Variants in TRAPPC9 observed in about 807,000 individuals in gnomAD.
The protein encoded by TRAPPC9 is trafficking protein particle complex subunit 9, also known as IKK2 binding protein.
TRAPPC9 carries 83 observed loss-of-function variants against 124.0 expected under a neutral mutation model. That is an observed-to-expected ratio of 0.67 (90% CI 0.56 to 0.80). The LOEUF (loss-of-function observed/expected upper bound fraction) is 0.80. Among genes scored for constraint, TRAPPC9 ranks in the 30% least tolerant of loss-of-function variants. The pLI, the probability that TRAPPC9 is intolerant of heterozygous loss-of-function variation, is 0.00. For synonymous variants in TRAPPC9, 638 were observed against 617.5 expected (o/e 1.03, Z -0.49); for missense variants, 1,302 against 1,508.3 (o/e 0.86, Z 2.27).
chr8:140,383,562 A>T (rs2068673551), intron 7 of TRAPPC9, among the ~76,000 whole-genome samples: 1 of 152,220 alleles, frequency 6.6e-6, no homozygotes, highest in Non-Finnish European at 1.5e-5. Context: ...AAAGGGTATC[A>T]GTGATTGAAG....
chr8:139,883,657 C>G (rs1353997024), intron 21 of TRAPPC9, among the ~76,000 whole-genome samples: 3 of 152,214 alleles, frequency 2.0e-5, no homozygotes, highest in African/African-American at 7.2e-5. Flanking sequence ...GCAAAATGAA[C>G]AGAAAGGACC....
At chr8:139,857,473 C>T (rs959497335) in intron 21 of TRAPPC9, among the ~76,000 whole-genome samples, 5 of 152,206 alleles carry the variant, frequency 3.3e-5, no homozygotes, top group South Asian at 2.1e-4. Flanking sequence ...GAGGGTCACA[C>T]AATAAACACA....
At chr8:140,129,824 T>C (rs957758444) in intron 17 of TRAPPC9, among the ~76,000 whole-genome samples, 1 of 152,148 alleles carries the variant, frequency 6.6e-6, no homozygotes. Flanking sequence ...TGTATAGAGA[T>C]GGATAGACGA....
At chr8:140,410,196 GTAACCCTTTTTATAT>G (rs971471377) in intron 5 of TRAPPC9, among the ~76,000 whole-genome samples, 2 of 149,690 alleles carry the variant, frequency 1.3e-5, no homozygotes, top group Non-Finnish European at 3.0e-5. Flanking sequence ...ACTTCTCTGG[GTAACCCTTTTTATAT>G]AGTTTTGATT....
chr8:140,439,096 G>A lies in TRAPPC9; in HGVS notation c.686C>T (p.Ser229Leu), dbSNP rs769691517. ...ATTCACAGAACGCAGCAGCTCCACC[G>A]ACATGTGGTAATGCACCAGGGAGTC... ...LQDSLVHYHM[S>L]VELLRSVNDF... The change falls in exon 3 of 23, where the codon TCG (serine) becomes TTG (leucine). Residue 229 changes from serine to leucine, a missense_variant. Physicochemically the swap from Ser to Leu is moderately radical, Grantham distance 145 (BLOSUM62 -2). Coordinates refer to ENST00000438773, the MANE Select transcript of TRAPPC9 (RefSeq NM_001160372.4). 16 of 1,614,030 alleles carry A rather than the reference G, an allele frequency of 9.9e-6. No homozygotes were observed. The highest frequency in any genetic ancestry group is 3.3e-5 in the South Asian group (3 of 91,072).
chr8:139,858,806 G>A (rs1321603268), intron 21 of TRAPPC9, among the ~76,000 whole-genome samples: 2 of 149,654 alleles, frequency 1.3e-5, no homozygotes, highest in East Asian at 3.9e-4. Flanking sequence ...TAGCCACTGC[G>A]ACCGGGACTG....
rs139333573 is a variant in TRAPPC9 at position 140,007,284 on chromosome 8, C to T, written c.2699+16653G>A. The stretch of plus-strand genomic sequence containing the variant: ...ACTCTGCAATTGTGCCTCCGGGTGA[C>T]GGTAACCAGGTCTCTGAGTTGCATT... On this transcript the variant is annotated intron_variant, in intron 18 of 22. Transcript: ENST00000438773. Among the ~76,000 whole-genome samples the T allele has an allele frequency of 5.6e-4, 86 of 152,304 alleles. 1 individual carries two copies. Among genetic ancestry groups the T allele is most frequent in the Middle Eastern group, 3.4e-3 (1 of 294 alleles).
At chr8:140,315,993 A>G (rs1049182980) in intron 9 of TRAPPC9, among the ~76,000 whole-genome samples, 2 of 152,172 alleles carry the variant, frequency 1.3e-5, no homozygotes, top group African/African-American at 4.8e-5. Context: ...TATGGATTGT[A>G]TCTTTGACTA....
At chr8:139,910,078 G>T (rs1831619176) in intron 20 of TRAPPC9, 69 bp downstream of exon 20, 4 of 1,575,828 alleles carry the variant, frequency 2.5e-6, no homozygotes, top group Non-Finnish European at 3.5e-6. Context: ...ACCCTCACGG[G>T]TCTTTCTTAG....
intron 21 of TRAPPC9, among the ~76,000 whole-genome samples, chr8:139,806,550 C>T (rs1408266473): frequency 2.0e-5 from 3 of 152,222 alleles, no homozygotes; most frequent in African/African-American, 4.8e-5. Flanking sequence ...CAGAGCAGCT[C>T]CCCAAGGGTG....
chr8:139,915,741 C>T (rs927288148), intron 19 of TRAPPC9, among the ~76,000 whole-genome samples: 5 of 152,192 alleles, frequency 3.3e-5, no homozygotes, highest in Non-Finnish European at 5.9e-5. Context: ...GAGGCCAGTC[C>T]TTGCCACAGC....
At chr8:139,971,317 A>G (rs1449651796) in intron 19 of TRAPPC9, among the ~76,000 whole-genome samples, 2 of 151,940 alleles carry the variant, frequency 1.3e-5, no homozygotes, top group Admixed American at 6.5e-5. Context: ...CACCCTGAAC[A>G]GCTTCAGCCT....
chr8:139,782,001 G>A (rs1382211798), intron 21 of TRAPPC9, among the ~76,000 whole-genome samples: 1 of 152,024 alleles, frequency 6.6e-6, no homozygotes, highest in Non-Finnish European at 1.5e-5. Context: ...CCAATAAAAG[G>A]CAAAGATTTT....
chr8:140,423,561 GA>G (rs1472242050), intron 5 of TRAPPC9, among the ~76,000 whole-genome samples: 1 of 143,930 alleles, frequency 6.9e-6, no homozygotes, highest in Non-Finnish European at 1.5e-5. Flanking sequence ...ATGGAATATG[GA>G]AAAACAAAAT....
intron 17 of TRAPPC9, among the ~76,000 whole-genome samples, chr8:140,181,994 G>A (rs1019789981): frequency 6.6e-6 from 1 of 151,994 alleles, no homozygotes; most frequent in Non-Finnish European, 1.5e-5. Context: ...CCCCAGTCTG[G>A]GGACCAGACT....
chr8:140,133,167 T>C (rs751370804), intron 17 of TRAPPC9, among the ~76,000 whole-genome samples: 5 of 152,112 alleles, frequency 3.3e-5, no homozygotes, highest in African/African-American at 4.8e-5. Context: ...CTCAATAAAA[T>C]ACTAGGAAGC....
intron 7 of TRAPPC9, among the ~76,000 whole-genome samples, chr8:140,385,311 A>G (rs2068725208): frequency 6.6e-6 from 1 of 152,226 alleles, no homozygotes; most frequent in Admixed American, 6.5e-5. Flanking sequence ...GCAAGAAATA[A>G]CTAAGATCAG....
intron 19 of TRAPPC9, among the ~76,000 whole-genome samples, chr8:139,913,290 G>A (rs1205316383): frequency 1.3e-5 from 2 of 152,186 alleles, no homozygotes; most frequent in African/African-American, 4.8e-5. Context: ...CCGGCGCTGG[G>A]TGTTCTGTGT....
chr8:140,414,282 C>T (rs745480325), intron 5 of TRAPPC9, among the ~76,000 whole-genome samples: 13 of 151,906 alleles, frequency 8.6e-5, no homozygotes, highest in Non-Finnish European at 1.6e-4. Flanking sequence ...ACCAAAAATC[C>T]CAGCACTTTG....
Sources: gnomAD v4.1 joint callset for allele counts (sites outside exome capture counted in the v4.1 genomes callset) on GRCh38, gnomAD v4.1.1 for gene constraint, MANE v1.5 for transcripts, NCBI Gene and HGNC (gene_info 2026-07-23, HGNC 2026-07-21) for gene names.